The following ADGRG2 variants were observed in gnomAD, a reference collection of about 807,000 sequenced individuals.
ADGRG2 encodes adhesion G protein-coupled receptor G2.
ADGRG2 carries 26 observed loss-of-function variants against 74.1 expected under a neutral mutation model. The ratio of observed to expected loss-of-function variants is 0.35; its 90% CI spans 0.26 to 0.49. The LOEUF is 0.49. Among genes scored for constraint, ADGRG2 ranks in the 20% least tolerant of loss-of-function variants. The pLI, the probability that ADGRG2 is intolerant of heterozygous loss-of-function variation, is 0.99. For missense variants in ADGRG2, 619 were observed against 763.1 expected (o/e 0.81, Z 2.22); for synonymous variants, 296 against 295.2 (o/e 1.00, Z -0.03).
At chrX:19,110,368 G>C (rs1333799045) in intron 1 of ADGRG2, among the ~76,000 whole-genome samples, 1 of 111,459 alleles carries the variant, frequency 9.0e-6, no homozygotes, top group Non-Finnish European at 1.9e-5. Flanking sequence ...AGATCTGAAT[G>C]ATGAGGAACC....
chrX:19,008,030 G>A lies in ADGRG2; in HGVS notation c.1516C>T (p.Leu506=). 8.3e-7 allele frequency: 1 copy of A among 1,202,414 alleles called. No homozygotes were observed. The highest frequency in any genetic ancestry group is 1.7e-5 in the African/African-American group (1 of 57,629). Reference sequence around the variant, plus strand: ...AAATTGAACTGAACCCTGGAAGCTAGCTCCATGTCATGAGCTGGTAAATTA... The same window carrying A: ...AAATTGAACTGAACCCTGGAAGCTAACTCCATGTCATGAGCTGGTAAATTA... ...MNNLPAHDME[L]ASRVQFNFFE... is the part of the protein sequence containing the mutation. The change falls in exon 19 of 29, where the codon CTA becomes TTA. Residue 506 remains leucine (L), a synonymous_variant. Coordinates refer to ENST00000379869, the MANE Select transcript of ADGRG2 (RefSeq NM_001079858.3).
At chrX:19,009,270 C>T (rs1469222686) in intron 18 of ADGRG2, among the ~76,000 whole-genome samples, 5 of 109,301 alleles carry the variant, frequency 4.6e-5, no homozygotes, top group Non-Finnish European at 9.5e-5. Context: ...CTCTGCCTCC[C>T]GAGTTCAAGC....
intron 17 of ADGRG2, among the ~76,000 whole-genome samples, chrX:19,010,231 C>T (rs1334209007): frequency 1.8e-5 from 2 of 109,181 alleles, no homozygotes; most frequent in African/African-American, 6.7e-5. Context: ...AGTGATTCTC[C>T]TGCCTCAGCC....
At chrX:19,110,411 G>A (rs1008980111) in intron 1 of ADGRG2, among the ~76,000 whole-genome samples, 1 of 111,206 alleles carries the variant, frequency 9.0e-6, no homozygotes, top group Admixed American at 9.6e-5. Flanking sequence ...GACCAGGCGC[G>A]GTGGCTCATG....
chrX:19,100,981 T>G (rs765918205), intron 1 of ADGRG2, among the ~76,000 whole-genome samples: 2 of 113,031 alleles, frequency 1.8e-5, no homozygotes, highest in South Asian at 7.2e-4. Flanking sequence ...ATGGAAGAAC[T>G]AGAGCTTTAT....
At chrX:19,100,408 G>A (rs2062168323) in intron 1 of ADGRG2, among the ~76,000 whole-genome samples, 1 of 113,411 alleles carries the variant, frequency 8.8e-6, no homozygotes, top group African/African-American at 3.2e-5. Context: ...AAACATGTAA[G>A]TGAATGAGCG....
intron 10 of ADGRG2, among the ~76,000 whole-genome samples, 159 bp from the exon 11 acceptor site, chrX:19,027,433 G>A (rs1463606764): frequency 8.9e-6 from 1 of 112,327 alleles, no homozygotes; most frequent in African/African-American, 3.2e-5. Context: ...AAATGATCAA[G>A]CTGCAGTTTT....
Position 19,108,292 on chromosome X carries a change from C to A in ADGRG2, c.-47+14150G>T, listed in dbSNP as rs143804399. Reference sequence around the variant, plus strand: ...AAAAAAAGTTACAGAAAGAAAGTCTCATCATTGTCTATGGATACAGATGTG... The same window carrying A: ...AAAAAAAGTTACAGAAAGAAAGTCTAATCATTGTCTATGGATACAGATGTG... On this transcript the variant is annotated intron_variant, in intron 1 of 28. Transcript: ENST00000379869. 4.9e-3 allele frequency among the ~76,000 whole-genome samples: 541 copies of A among 110,497 alleles called. 4 individuals carry two copies. The highest frequency in any genetic ancestry group is 0.017 in the African/African-American group (508 of 30,444).
intron 2 of ADGRG2, among the ~76,000 whole-genome samples, chrX:19,082,111 G>GAAAGA (rs1043153546): frequency 2.2e-5 from 2 of 90,162 alleles, no homozygotes; most frequent in African/African-American, 4.1e-5. Flanking sequence ...AAGAAAGAAA[G>GAAAGA]AAAGAAAAGA....
chrX:19,113,932 C>A lies in ADGRG2; in HGVS notation c.-47+8510G>T, dbSNP rs982540924. Among the ~76,000 whole-genome samples the A allele has an allele frequency of 1.1e-4, 12 of 108,749 alleles. No homozygotes were observed. The East Asian group carries it at 2.9e-3, about 26-fold the overall frequency. 94.4% of individuals were successfully genotyped at this position (108,749 alleles called of 115,157 possible). On this transcript the variant is annotated intron_variant, in intron 1 of 28. Coordinates refer to ENST00000379869, the MANE Select transcript of ADGRG2 (RefSeq NM_001079858.3). ...GAAAATACAAAGAAAAATAGCCAGGCGTGGTGATGGGCACCTGTGGTCCCA... is the reference window on the plus strand; with the variant it reads ...GAAAATACAAAGAAAAATAGCCAGGAGTGGTGATGGGCACCTGTGGTCCCA...
At chrX:19,041,151 T>A (rs1041529319) in intron 3 of ADGRG2, among the ~76,000 whole-genome samples, 2 of 111,969 alleles carry the variant, frequency 1.8e-5, no homozygotes, top group Non-Finnish European at 1.9e-5. Flanking sequence ...CAACACCATC[T>A]ATGATGGCTG....
chrX:19,003,902 T>C (rs1329559630), intron 23 of ADGRG2, among the ~76,000 whole-genome samples: 1 of 112,169 alleles, frequency 8.9e-6, no homozygotes, highest in Non-Finnish European at 1.9e-5. Context: ...TGTAATAGCA[T>C]AGGAGAAGCC....
chrX:19,011,728 C>T (rs1038772570), intron 16 of ADGRG2, among the ~76,000 whole-genome samples: 4 of 111,396 alleles, frequency 3.6e-5, no homozygotes, highest in Admixed American at 2.9e-4. Context: ...GCCTGTAGTC[C>T]CAGTTACTCG....
intron 3 of ADGRG2, among the ~76,000 whole-genome samples, chrX:19,045,790 G>A (rs1464885325): frequency 9.0e-6 from 1 of 111,396 alleles, no homozygotes; most frequent in Non-Finnish European, 1.9e-5. Context: ...CCCCCATACA[G>A]TAATCCATCC....
intron 9 of ADGRG2, among the ~76,000 whole-genome samples, chrX:19,028,909 T>C (rs1041689136): frequency 7.1e-5 from 8 of 112,033 alleles, no homozygotes; most frequent in African/African-American, 2.6e-4. Flanking sequence ...ATATGATCTA[T>C]GCTGTAACTA....
At chrX:19,023,474 C>G (rs5909263) in intron 12 of ADGRG2, 21 bp from the exon 13 acceptor site, 6 of 996,457 alleles carry the variant, frequency 6.0e-6, no homozygotes, top group Admixed American at 2.6e-5. Flanking sequence ...ACAAAAAACA[C>G]GTATACACAT....
At chrX:19,078,057 G>A (rs758922789) in intron 2 of ADGRG2, among the ~76,000 whole-genome samples, 15 of 111,841 alleles carry the variant, frequency 1.3e-4, no homozygotes, top group Admixed American at 2.8e-4. Context: ...CAACTGCAGC[G>A]CGCATAATCT....
intron 3 of ADGRG2, among the ~76,000 whole-genome samples, chrX:19,062,871 G>T (rs1310765121): frequency 5.4e-5 from 6 of 110,964 alleles, no homozygotes; most frequent in African/African-American, 2.0e-4. Context: ...CACCAAACTG[G>T]CTCAAATGTG....
intron 1 of ADGRG2, among the ~76,000 whole-genome samples, chrX:19,091,848 C>T (rs761214323): frequency 2.7e-5 from 3 of 112,258 alleles, no homozygotes; most frequent in African/African-American, 9.7e-5. Context: ...TCTCTACCAA[C>T]GAGGAAGTAA....
Sources: allele counts gnomAD v4.1 joint callset (sites outside exome capture counted in the v4.1 genomes callset), GRCh38; gene constraint gnomAD v4.1.1; transcripts MANE v1.5; gene names NCBI Gene and HGNC (gene_info 2026-07-23, HGNC 2026-07-21).